The following BIRC5 variants were observed in gnomAD, a reference collection of about 807,000 sequenced individuals.
The protein encoded by BIRC5 is baculoviral IAP repeat-containing protein 5.
A neutral mutation model predicts 15.8 loss-of-function variants in BIRC5; 8 were observed. The observed-to-expected ratio is 0.51, with a 90% CI of 0.30 to 0.91. The LOEUF (loss-of-function observed/expected upper bound fraction) is 0.91, where lower values mean the gene tolerates loss of function less well. Ranked by LOEUF, BIRC5 falls within the 40% of genes least tolerant of loss-of-function variation. BIRC5 has a pLI of 0.07. For synonymous variants in BIRC5, 56 were observed against 64.5 expected, an observed-to-expected ratio of 0.87 and a Z score of 0.63; for missense variants, 163 against 178.6, an observed-to-expected ratio of 0.91 and a Z score of 0.50.
At position 78,216,446 on chromosome 17, in the gene BIRC5, G is replaced by C. The variant is rs77183789; in HGVS notation, c.222-218G>C. On this transcript the variant is annotated intron_variant, in intron 2 of 3. Coordinates refer to ENST00000350051, the MANE Select transcript of BIRC5 (RefSeq NM_001168.3). Reference sequence around the variant, plus strand: ...ATAGATACATTAGCCACACAGATGTGGGGGGAGATGTCCACAGGGAGAGAG... The same window carrying C: ...ATAGATACATTAGCCACACAGATGTCGGGGGAGATGTCCACAGGGAGAGAG... The C allele has an allele frequency of 4.9e-5, 24 of 488,038 alleles. No homozygotes were observed. In the South Asian group the frequency reaches 5.1e-4, roughly 10 times the overall value. The allele number at this position is 488,038 out of a possible 1,614,324, so 30.2% of individuals were successfully genotyped here.
intron 2 of BIRC5, among the ~76,000 whole-genome samples, chr17:78,215,739 G>A (rs2076473075): frequency 1.3e-5 from 2 of 152,142 alleles, no homozygotes; most frequent in Admixed American, 6.6e-5. Context: ...AAGATCAGTG[G>A]TATTCTTCTT....
intron 3 of BIRC5, among the ~76,000 whole-genome samples, chr17:78,221,067 G>C (rs900942408): frequency 6.6e-6 from 1 of 152,196 alleles, no homozygotes; most frequent in South Asian, 2.1e-4. Context: ...CTGCTGCCTC[G>C]GTGCTTAGCT....
In BIRC5 at chr17:78,223,517, T is replaced by C. The variant is rs770394110; in HGVS notation, c.392T>C (p.Val131Ala). The change falls in exon 4 of 4, where the codon GTG becomes GCG. Residue 131 changes from valine (V) to alanine (A), a missense_variant. Transcript: ENST00000350051. ...KKEFEETAEKVRRAIEQLAAM... is the reference protein window; with the variant it reads ...KKEFEETAEKARRAIEQLAAM... ...GAATTTGAGGAAACTGCGGAGAAAG[T>C]GCGCCGTGCCATCGAGCAGCTGGCT... 1.9e-5 allele frequency: 30 copies of C among 1,612,046 alleles called. 1 individual carries two copies. The highest frequency in any genetic ancestry group is 2.5e-5 in the Non-Finnish European group (29 of 1,179,188).
At chr17:78,220,864 G>T (rs1035186529) in intron 3 of BIRC5, among the ~76,000 whole-genome samples, 1 of 152,066 alleles carries the variant, frequency 6.6e-6, no homozygotes, top group Admixed American at 6.6e-5. Context: ...GGGACCACAG[G>T]TGCGTGTGTT....
chr17:78,220,762 C>T (rs779854933), intron 3 of BIRC5, among the ~76,000 whole-genome samples: 7 of 152,096 alleles, frequency 4.6e-5, no homozygotes, highest in Non-Finnish European at 1.0e-4. Context: ...TACTCTGTCA[C>T]CCAGGCTGAG....
In BIRC5 at chr17:78,224,476, A is replaced by G. The variant is rs1003483061; in HGVS notation, c.*922A>G. 6.6e-6 allele frequency: 1 copy of G among 152,148 alleles called. No individual in the cohort carries two copies. The highest frequency in any genetic ancestry group is 2.4e-5 in the African/African-American group (1 of 41,420). 9.4% of individuals were successfully genotyped at this position (152,148 alleles called of 1,614,324 possible). ...CCGTGTGTCTGTCAGCCCAACCTTC[A>G]CATCTGTCACGTTCTCCACACGGGG... On this transcript the variant is annotated 3_prime_UTR_variant, in exon 4 of 4. Transcript: ENST00000350051.
chr17:78,214,809 C>T lies in BIRC5; in HGVS notation c.221+20C>T, dbSNP rs145413766. 337 of 1,591,522 alleles carry T rather than the reference C, an allele frequency of 2.1e-4. 1 individual carries two copies. In the African/African-American group the frequency reaches 4.0e-3, roughly 19 times the overall value. On this transcript the variant is annotated intron_variant, in intron 2 of 3. Coordinates refer to ENST00000350051, the MANE Select transcript of BIRC5 (RefSeq NM_001168.3). ...CCCCATGTAAGTCTTCTCTGGCCAG[C>T]CTCGATGGGCTTTGTTTTGAACTGA...
chr17:78,214,887 C>T (rs1045178348), intron 2 of BIRC5, 98 bp downstream of exon 2: 1 of 1,121,158 alleles, frequency 8.9e-7, no homozygotes, highest in Non-Finnish European at 1.3e-6. Flanking sequence ...GGTTGCTTTC[C>T]ACCCTCATTG....
Position 78,218,546 on chromosome 17 carries a change from TC to T in BIRC5, c.339+1768del, listed in dbSNP as rs369116909. On this transcript the variant is annotated intron_variant, in intron 3 of 3. Coordinates refer to ENST00000350051, the MANE Select transcript of BIRC5 (RefSeq NM_001168.3). ...ACCTTGTGATCTGCCCGCTTTAGCC[TC>T]CCAGAGTGCTGGGATTACAGGCATG... Among the ~76,000 whole-genome samples, 30 of 151,526 alleles carry T rather than the reference TC, an allele frequency of 2.0e-4. No individual in the cohort carries two copies. The East Asian group carries it at 5.3e-3, about 27-fold the overall frequency.
rs552898084 is a variant in BIRC5, at chr17:78,215,946, T to C, written c.222-718T>C. The C allele has an allele frequency of 6.6e-6, 7 of 1,066,278 alleles. No homozygotes were observed. The South Asian group carries it at 2.1e-4, about 32-fold the overall frequency. 66.1% of individuals were successfully genotyped at this position (1,066,278 alleles called of 1,614,324 possible). On this transcript the variant is annotated intron_variant, in intron 2 of 3. Coordinates refer to ENST00000350051, the MANE Select transcript of BIRC5 (RefSeq NM_001168.3). ...GGAACCCGGGGCAATAATGCCCTTC[T>C]CTGCCCTTAATCCTTACAGTGGGCC... is the stretch of plus-strand genomic sequence containing the variant.
chr17:78,223,183 A>C (rs1005822249), intron 3 of BIRC5, among the ~76,000 whole-genome samples: 19 of 152,288 alleles, frequency 1.2e-4, no homozygotes, highest in African/African-American at 4.1e-4. Flanking sequence ...TGTGAACATA[A>C]ATCAGTTAAT....
intron 3 of BIRC5, among the ~76,000 whole-genome samples, chr17:78,220,778 T>C (rs753580898): frequency 6.6e-6 from 1 of 152,196 alleles, no homozygotes; most frequent in Non-Finnish European, 1.5e-5. Flanking sequence ...CTGAGTGCAG[T>C]GGTGTGATCT....
Position 78,217,698 on chromosome 17 carries a change from C to T in BIRC5, c.339+917C>T, listed in dbSNP as rs999128610. ...ATTTTTAGTAGAGACGGGTTTTCAC[C>T]GTGTTAGCCAGGAGGGTCTCGATCT... On this transcript the variant is annotated intron_variant, in intron 3 of 3. Coordinates refer to ENST00000350051, the MANE Select transcript of BIRC5 (RefSeq NM_001168.3). Among the ~76,000 whole-genome samples, 6 of 151,538 alleles carry T rather than the reference C, an allele frequency of 4.0e-5. 1 individual carries two copies. Among genetic ancestry groups the T allele is most frequent in the Admixed American group, 2.0e-4 (3 of 15,180 alleles).
intron 3 of BIRC5, 43 bp downstream of exon 3, chr17:78,216,824 CT>C: frequency 6.8e-7 from 1 of 1,467,550 alleles, no homozygotes; most frequent in Non-Finnish European, 9.5e-7. Context: ...TGTTCAATGT[CT>C]TTAGCACTAA....
At chr17:78,216,924 GGCT>G in intron 3 of BIRC5, 143 bp downstream of exon 3, 2 of 568,080 alleles carry the variant, frequency 3.5e-6, no homozygotes, top group South Asian at 4.0e-5. Flanking sequence ...TTGTTGCCCA[GGCT>G]GGAGTGCAAT....
chr17:78,214,597 T>C (rs1353630726), intron 1 of BIRC5, 83 bp from the exon 2 acceptor site: 23 of 1,378,346 alleles, frequency 1.7e-5, no homozygotes, highest in Non-Finnish European at 2.2e-5. Context: ...CCCTCCCTGC[T>C]TTGTCCCCAT....
At position 78,216,025 on chromosome 17, in the gene BIRC5, G is replaced by A. The variant is rs756245585; in HGVS notation, c.222-639G>A. On this transcript the variant is annotated intron_variant, in intron 2 of 3. Coordinates refer to ENST00000350051, the MANE Select transcript of BIRC5 (RefSeq NM_001168.3). ...AGCACTTTGGGAGGCCGAGGCGGGC[G>A]GATCACGAGGTCAGGAGATCGAGAC... 12 of 993,000 alleles carry A rather than the reference G, an allele frequency of 1.2e-5. 1 individual carries two copies. The South Asian group carries it at 1.8e-4, about 15-fold the overall frequency. 61.5% of individuals were successfully genotyped at this position (993,000 alleles called of 1,614,324 possible). A position where few individuals can be genotyped will look rare whatever the true frequency, so the allele number is the denominator to read the frequency against.
chr17:78,219,174 T>C (rs575868618), intron 3 of BIRC5, among the ~76,000 whole-genome samples: 13 of 152,254 alleles, frequency 8.5e-5, no homozygotes, highest in African/African-American at 3.1e-4. Context: ...AAAATAATTC[T>C]GTCCTTATAT....
At chr17:78,223,444 G>A (rs1472743170) in intron 3 of BIRC5, 21 bp from the exon 4 acceptor site, 2 of 1,568,046 alleles carry the variant, frequency 1.3e-6, no homozygotes, top group Admixed American at 1.9e-5. Context: ...TCAGTGTCAT[G>A]TGTCTATTCT....
Sources: gnomAD v4.1 joint callset for allele counts (sites outside exome capture counted in the v4.1 genomes callset) on GRCh38, gnomAD v4.1.1 for gene constraint, MANE v1.5 for transcripts, NCBI Gene and HGNC (gene_info 2026-07-23, HGNC 2026-07-21) for gene names.